ZFHX3: variants seen among roughly 807,000 people sequenced by gnomAD.
The protein encoded by ZFHX3 is zinc finger homeobox 3.
ZFHX3 carries 42 observed loss-of-function variants against 279.1 expected under a neutral mutation model. The ratio of observed to expected loss-of-function variants is 0.15; its 90% confidence interval spans 0.12 to 0.19. The LOEUF (loss-of-function observed/expected upper bound fraction) is 0.19. Among genes scored for constraint, ZFHX3 ranks in the 10% least tolerant of loss-of-function variants. ZFHX3 has a pLI of 1.00. For missense variants in ZFHX3, 4,981 were observed against 4,754.0 expected, an observed-to-expected ratio of 1.05 and a Z score of -1.40; for synonymous variants, 2,293 against 1,957.8, an observed-to-expected ratio of 1.17 and a Z score of -4.52.
intron 2 of ZFHX3, among the ~76,000 whole-genome samples, chr16:73,471,490 C>T (rs72799491): frequency 0.14 from 21,078 of 151,956 alleles, 1,846 homozygotes; most frequent in East Asian, 0.45. Flanking sequence ...CTCACTGCAA[C>T]CTCCACCTCC....
chr16:73,327,872 TG>T (rs1207215312), intron 3 of ZFHX3, among the ~76,000 whole-genome samples: 8 of 152,192 alleles, frequency 5.3e-5, no homozygotes, highest in African/African-American at 1.9e-4. Context: ...TTGATGGTCT[TG>T]CTGGCCTGGA....
intron 1 of ZFHX3, among the ~76,000 whole-genome samples, chr16:72,991,291 G>A (rs915812082): frequency 6.6e-6 from 1 of 152,110 alleles, no homozygotes; most frequent in African/African-American, 2.4e-5. Flanking sequence ...TAGGCATGTA[G>A]GTAGAGAAAA....
chr16:73,342,444 G>A (rs918562210), intron 3 of ZFHX3, among the ~76,000 whole-genome samples: 2 of 152,184 alleles, frequency 1.3e-5, no homozygotes, highest in African/African-American at 4.8e-5. Flanking sequence ...TAGAAGACTG[G>A]TTGGATAAAC....
intron 1 of ZFHX3, among the ~76,000 whole-genome samples, chr16:73,800,410 T>C (rs1960110889): frequency 6.6e-6 from 1 of 152,082 alleles, no homozygotes; most frequent in South Asian, 2.1e-4. Flanking sequence ...AGAGACGGGG[T>C]TTCACCATAT....
chr16:73,175,252 T>C (rs71388958), intron 5 of ZFHX3, among the ~76,000 whole-genome samples: 1 of 151,590 alleles, frequency 6.6e-6, no homozygotes, highest in Admixed American at 6.6e-5. Flanking sequence ...TAGTGGCTCA[T>C]GCCTGTAATC....
rs1476237689 is a variant in ZFHX3 at position 72,783,218 on chromosome 16, G to A, written c.*3946C>T. 2 of 150,846 alleles carry A rather than the reference G, an allele frequency of 1.3e-5. No homozygotes were observed. Among genetic ancestry groups the A allele is most frequent in the Non-Finnish European group, 3.0e-5 (2 of 67,760 alleles). 9.3% of individuals were successfully genotyped at this position (150,846 alleles called of 1,614,324 possible). On this transcript the variant is annotated 3_prime_UTR_variant, in exon 10 of 10. Transcript: ENST00000268489. ...TTTTTTTCTTTTTGTACATTGCAAA[G>A]GCTGTTCATATACCTCTTCACCTCA...
chr16:73,650,510 A>C (rs879819302), intron 2 of ZFHX3, among the ~76,000 whole-genome samples: 1 of 152,188 alleles, frequency 6.6e-6, no homozygotes, highest in Non-Finnish European at 1.5e-5. Flanking sequence ...AAAAAATGAC[A>C]TCAAAAAGCT....
intron 8 of ZFHX3, chr16:73,083,425 T>C (rs1407428572): frequency 1.3e-5 from 2 of 152,200 alleles, no homozygotes; most frequent in African/African-American, 2.4e-5. Flanking sequence ...ATCTGAATAA[T>C]TATCTGATAT....
chr16:73,644,318 C>T (rs1207177956), intron 2 of ZFHX3, among the ~76,000 whole-genome samples: 1 of 152,078 alleles, frequency 6.6e-6, no homozygotes, highest in Non-Finnish European at 1.5e-5. Flanking sequence ...CTTAAGACAT[C>T]CCCAGACTGC....
intron 5 of ZFHX3, among the ~76,000 whole-genome samples, chr16:72,814,412 C>G (rs1168569527): frequency 6.6e-6 from 1 of 152,090 alleles, no homozygotes; most frequent in African/African-American, 2.4e-5. Flanking sequence ...AGGCTGAGAC[C>G]ACCCGACTCA....
chr16:73,081,993 C>CGG (rs1965952318), intron 8 of ZFHX3, among the ~76,000 whole-genome samples: 2 of 151,934 alleles, frequency 1.3e-5, no homozygotes, highest in Non-Finnish European at 2.9e-5. Context: ...TGTACCACCA[C>CGG]ACCCAGCTAA....
At chr16:72,859,198 C>T (rs147302964) in intron 4 of ZFHX3, among the ~76,000 whole-genome samples, 52 of 152,314 alleles carry the variant, frequency 3.4e-4, no homozygotes, top group African/African-American at 1.3e-3. Context: ...GGCATTTCTA[C>T]CGAAAAGATG....
intron 7 of ZFHX3, among the ~76,000 whole-genome samples, chr16:73,105,539 G>A (rs1251843028): frequency 6.6e-6 from 1 of 151,474 alleles, no homozygotes; most frequent in Non-Finnish European, 1.5e-5. Context: ...ATCACTTGAG[G>A]TCAGGAGTTT....
chr16:73,810,557 T>C (rs925463647), intron 1 of ZFHX3, among the ~76,000 whole-genome samples: 1 of 152,196 alleles, frequency 6.6e-6, no homozygotes, highest in Admixed American at 6.5e-5. Flanking sequence ...TATAGAGAGT[T>C]TGTAAAGCGC....
At chr16:73,780,211 G>A (rs745595142) in intron 1 of ZFHX3, among the ~76,000 whole-genome samples, 50 of 127,682 alleles carry the variant, frequency 3.9e-4, no homozygotes, top group Non-Finnish European at 5.8e-4. Flanking sequence ...GCAGTGGTGC[G>A]ATCTTGGCTC....
chr16:73,055,692 GCGCGCGCA>G (rs756688045), intron 1 of ZFHX3, among the ~76,000 whole-genome samples: 1,976 of 95,248 alleles, frequency 0.021, 16 homozygotes, highest in South Asian at 0.042. Context: ...GCGCGCGCGC[GCGCGCGCA>G]CACACACACA....
intron 3 of ZFHX3, among the ~76,000 whole-genome samples, chr16:73,396,169 G>A (rs11646191): frequency 0.63 from 96,285 of 152,046 alleles, 31,168 homozygotes; most frequent in Non-Finnish European, 0.72. Context: ...TTAGCCTCCC[G>A]GCGGGCATCT....
In ZFHX3 at chr16:72,786,520, A is replaced by ATTGTT. The variant is rs1182641184; in HGVS notation, c.*639_*643dup. On this transcript the variant is annotated 3_prime_UTR_variant, in exon 10 of 10. Coordinates refer to ENST00000268489, the MANE Select transcript of ZFHX3 (RefSeq NM_006885.4). ...TCCCCAGAAAGCTAAAGCAGTTCAC[A>ATTGTT]TTGTTTTTCTTGAATACTTTCTGCC... is the stretch of plus-strand genomic sequence containing the variant. 6 of 148,876 alleles carry ATTGTT rather than the reference A, an allele frequency of 4.0e-5. No homozygotes were observed. The highest frequency in any genetic ancestry group is 1.2e-4 in the African/African-American group (5 of 40,318). The allele number at this position is 148,876 out of a possible 1,614,324, so 9.2% of individuals were successfully genotyped here. A position where few individuals can be genotyped will look rare whatever the true frequency, so the allele number is the denominator to read the frequency against.
chr16:72,787,786 A>G lies in ZFHX3; in HGVS notation c.10490T>C (p.Leu3497Pro), dbSNP rs1231361600. The change falls in exon 10 of 10, where the codon CTG becomes CCG. Residue 3497 changes from leucine (L) to proline (P), a missense_variant. By Grantham distance (98) the Leu-to-Pro change is moderately conservative. This residue lies in a region of ZFHX3 where 1,034 missense variants were observed against 786.0 expected (regional missense o/e 1.32). Transcript: ENST00000268489. ...GGGGACGTGAAGCACCATCTCTTGC[A>G]GGTTCACCACAGACTGGCCGAAGAA... ...LCFFGQSVVNLQEMVLHVPTG... is the reference protein window; with the variant it reads ...LCFFGQSVVNPQEMVLHVPTG... 1 of 1,594,346 alleles carries G rather than the reference A, an allele frequency of 6.3e-7. No individual in the cohort carries two copies. Among genetic ancestry groups the G allele is most frequent in the Non-Finnish European group, 8.5e-7 (1 of 1,170,562 alleles).
Sources: allele counts gnomAD v4.1 joint callset (sites outside exome capture counted in the v4.1 genomes callset), GRCh38; gene constraint gnomAD v4.1.1; regional missense constraint gnomAD v4.1.1; transcripts MANE v1.5; gene names NCBI Gene and HGNC (gene_info 2026-07-23, HGNC 2026-07-21).